The following CACNB2 variants were observed in gnomAD, a reference collection of about 807,000 sequenced individuals.
The protein encoded by CACNB2 is calcium voltage-gated channel auxiliary subunit beta 2.
Under a neutral mutation model 73.3 loss-of-function variants are expected in CACNB2, and 42 were observed. That is an observed-to-expected ratio of 0.57 (90% CI 0.45 to 0.74). CACNB2 has a LOEUF of 0.74. CACNB2 is among the 30% of genes least tolerant of loss of function. CACNB2 has a pLI of 0.00. For synonymous variants in CACNB2, 348 were observed against 310.3 expected, an observed-to-expected ratio of 1.12 and a Z score of -1.28; for missense variants, 940 against 853.0, an observed-to-expected ratio of 1.10 and a Z score of -1.27.
At chr10:18,167,301 G>T (rs1283843721) in intron 2 of CACNB2, among the ~76,000 whole-genome samples, 1 of 152,130 alleles carries the variant, frequency 6.6e-6, no homozygotes, top group Admixed American at 6.6e-5. Context: ...GCCTCCAAAA[G>T]GGGGAAGGGT....
rs1320831606 is a variant in CACNB2, at chr10:18,178,544, AT to A, written c.213+27577del. On this transcript the variant is annotated intron_variant, in intron 2 of 13. Transcript: ENST00000324631. ...TTTTTTGATTCCTTTTATTTTTATT[AT>A]TTTTTTTAGCTTAGAGAAAGGTCAC... is the stretch of plus-strand genomic sequence containing the variant. Among the ~76,000 whole-genome samples, 9 of 151,824 alleles carry A rather than the reference AT, an allele frequency of 5.9e-5. No homozygotes were observed. In the South Asian group the frequency reaches 1.9e-3, roughly 32 times the overall value.
intron 3 of CACNB2, among the ~76,000 whole-genome samples, chr10:18,497,132 A>G (rs553311064): frequency 2.4e-4 from 37 of 151,618 alleles, no homozygotes; most frequent in African/African-American, 7.7e-4. Context: ...GAATCAATTG[A>G]ACTCCAGAGG....
intron 11 of CACNB2, among the ~76,000 whole-genome samples, chr10:18,535,371 G>A (rs1481158614): frequency 6.6e-6 from 1 of 152,126 alleles, no homozygotes; most frequent in Non-Finnish European, 1.5e-5. Context: ...ACCAAAACAT[G>A]ACATTGCAGC....
intron 3 of CACNB2, among the ~76,000 whole-genome samples, chr10:18,415,740 A>G (rs1255532395): frequency 6.6e-6 from 1 of 152,138 alleles, no homozygotes; most frequent in Non-Finnish European, 1.5e-5. Flanking sequence ...CTCAATTCGC[A>G]ATTTACTTAA....
intron 9 of CACNB2, among the ~76,000 whole-genome samples, chr10:18,524,747 G>A (rs1003332473): frequency 2.0e-5 from 3 of 151,516 alleles, no homozygotes; most frequent in Non-Finnish European, 4.4e-5. Flanking sequence ...ATAGTAGGCT[G>A]GGTGCAGCAG....
intron 2 of CACNB2, among the ~76,000 whole-genome samples, chr10:18,289,593 C>G (rs1347701792): frequency 6.6e-6 from 1 of 151,966 alleles, no homozygotes; most frequent in East Asian, 1.9e-4. Context: ...CGCGCCCGGC[C>G]AAAGTTGTCT....
chr10:18,163,106 A>G (rs1157664753), intron 2 of CACNB2, among the ~76,000 whole-genome samples: 1 of 152,166 alleles, frequency 6.6e-6, no homozygotes, highest in Admixed American at 6.5e-5. Context: ...GAGGTCGAAG[A>G]GTTGGAAAAT....
chr10:18,487,186 G>T (rs1441632399), intron 3 of CACNB2, among the ~76,000 whole-genome samples: 2 of 152,184 alleles, frequency 1.3e-5, no homozygotes, highest in Admixed American at 6.5e-5. Context: ...CATGTTGTCT[G>T]TTCCTCACTG....
Position 18,540,038 on chromosome 10 carries a change from G to GAAATGTAGTTGAT in CACNB2, c.*315_*327dup. 3.3e-6 allele frequency: 1 copy of GAAATGTAGTTGAT among 298,950 alleles called. No homozygotes were observed. Among genetic ancestry groups the GAAATGTAGTTGAT allele is most frequent in the Non-Finnish European group, 6.3e-6 (1 of 158,492 alleles). The allele number at this position is 298,950 out of a possible 1,614,324, so 18.5% of individuals were successfully genotyped here. The stretch of plus-strand genomic sequence containing the variant: ...CACCCAGGTGATGTTAGTGTTTTAA[G>GAAATGTAGTTGAT]AAATGTAGTTGATGTATCCAACAAG... On this transcript the variant is annotated 3_prime_UTR_variant, in exon 14 of 14. Transcript: ENST00000324631.
intron 2 of CACNB2, among the ~76,000 whole-genome samples, chr10:18,355,957 G>C (rs2041892488): frequency 6.6e-6 from 1 of 151,920 alleles, no homozygotes; most frequent in Non-Finnish European, 1.5e-5. Context: ...ATTCTCCTCT[G>C]TAATGTCCGA....
chr10:18,222,283 A>G (rs564974913), intron 2 of CACNB2, among the ~76,000 whole-genome samples: 25 of 152,292 alleles, frequency 1.6e-4, no homozygotes, highest in African/African-American at 5.8e-4. Flanking sequence ...CCCCATTGCT[A>G]AGGGGACAAT....
chr10:18,221,007 T>C (rs767386964), intron 2 of CACNB2, among the ~76,000 whole-genome samples: 4 of 152,194 alleles, frequency 2.6e-5, no homozygotes, highest in Non-Finnish European at 2.9e-5. Context: ...CTCATGCTTG[T>C]GATCTAAAGA....
At chr10:18,235,860 C>CATTAGA (rs1335145318) in intron 2 of CACNB2, among the ~76,000 whole-genome samples, 1 of 152,028 alleles carries the variant, frequency 6.6e-6, no homozygotes, top group Non-Finnish European at 1.5e-5. Flanking sequence ...GAGGAGGGGG[C>CATTAGA]TGGTGGGATG....
intron 2 of CACNB2, among the ~76,000 whole-genome samples, chr10:18,398,393 G>A (rs1031158810): frequency 1.3e-5 from 2 of 152,110 alleles, no homozygotes; most frequent in Non-Finnish European, 2.9e-5. Context: ...GGCTGGGTGA[G>A]GTGGCTCACA....
At chr10:18,538,111 C>T in intron 12 of CACNB2, 69 bp from the exon 13 acceptor site, 1 of 1,469,262 alleles carries the variant, frequency 6.8e-7, no homozygotes, top group Non-Finnish European at 9.5e-7. Flanking sequence ...CCTTCCTCCT[C>T]TTATGGAGGT....
intron 2 of CACNB2, among the ~76,000 whole-genome samples, chr10:18,378,349 C>A (rs1235303959): frequency 1.3e-5 from 2 of 152,164 alleles, no homozygotes; most frequent in African/African-American, 4.8e-5. Context: ...CACAGCCTGA[C>A]ATTCTCTGCT....
chr10:18,472,990 CT>C (rs2048268661), intron 3 of CACNB2, among the ~76,000 whole-genome samples: 1 of 152,224 alleles, frequency 6.6e-6, no homozygotes, highest in African/African-American at 2.4e-5. Context: ...TACATTCTCT[CT>C]TTCTTCCAAT....
chr10:18,296,258 C>G (rs16917158), intron 2 of CACNB2, among the ~76,000 whole-genome samples: 3,503 of 151,950 alleles, frequency 0.023, 144 homozygotes, highest in African/African-American at 0.078. Flanking sequence ...GAAAGAGCTC[C>G]CTGTTGTTAC....
In CACNB2 at chr10:18,270,908, T is replaced by TAA. The variant is rs201463332; in HGVS notation, c.213+119934_213+119935dup. On this transcript the variant is annotated intron_variant, in intron 2 of 13. Coordinates refer to ENST00000324631, the MANE Select transcript of CACNB2 (RefSeq NM_201596.3). ...CGTAATGGTTGAATACATATATACA[T>TAA]AATGCTGGGGAAATATCAAATTTTT... 8.6e-3 allele frequency among the ~76,000 whole-genome samples: 1,311 copies of TAA among 152,278 alleles called. 16 individuals are homozygous for TAA. The highest frequency in any genetic ancestry group is 0.014 in the Admixed American group (212 of 15,290).
Sources: allele counts gnomAD v4.1 joint callset (sites outside exome capture counted in the v4.1 genomes callset), GRCh38; gene constraint gnomAD v4.1.1; transcripts MANE v1.5; gene names NCBI Gene and HGNC (gene_info 2026-07-23, HGNC 2026-07-21).